Variants in MYO16 observed in about 807,000 individuals in gnomAD.
MYO16 encodes myosin XVI, also known as unconventional myosin-XVI.
MYO16 carries 94 observed loss-of-function variants against 205.3 expected under a neutral mutation model. The ratio of observed to expected loss-of-function variants is 0.46; its 90% CI spans 0.39 to 0.54. MYO16 has a LOEUF of 0.54. MYO16 is among the 20% of genes least tolerant of loss of function. The pLI, the probability that MYO16 is intolerant of heterozygous loss-of-function variation, is 0.00. For synonymous variants in MYO16, 988 were observed against 954.0 expected, an observed-to-expected ratio of 1.04 and a Z score of -0.66; for missense variants, 2,315 against 2,387.5, an observed-to-expected ratio of 0.97 and a Z score of 0.63.
At chr13:108,505,836 C>A in the MYO16 span, among the ~76,000 whole-genome samples, 3 of 151,838 alleles carry the variant, frequency 2.0e-5, 1 homozygote, top group South Asian at 4.1e-4. Context: ...TGAGTTGTTT[C>A]TTTTGCTGCA....
chr13:108,848,821 A>G (rs113964375), intron 10 of MYO16, among the ~76,000 whole-genome samples: 23 of 152,312 alleles, frequency 1.5e-4, no homozygotes, highest in African/African-American at 5.1e-4. Flanking sequence ...TCTTGACGAA[A>G]AAAAGTTAAG....
chr13:108,601,621 G>T (rs1566499247), intron 1 of MYO16, among the ~76,000 whole-genome samples: 1 of 152,002 alleles, frequency 6.6e-6, no homozygotes. Context: ...GTCCAGAGAA[G>T]TTATAAGATA....
intron 28 of MYO16, among the ~76,000 whole-genome samples, chr13:109,102,887 CTT>C (rs1889015721): frequency 6.6e-6 from 1 of 152,086 alleles, no homozygotes; most frequent in East Asian, 1.9e-4. Flanking sequence ...TTTCTCCACA[CTT>C]TTCACCTGCC....
At chr13:109,166,941 C>T (rs1261032642) in intron 33 of MYO16, 4 of 152,172 alleles carry the variant, frequency 2.6e-5, no homozygotes, top group African/African-American at 4.8e-5. Context: ...CCCCATGAGA[C>T]AGCAATCAAG....
chr13:108,734,270 A>G (rs1269753600), intron 4 of MYO16, among the ~76,000 whole-genome samples: 1 of 152,158 alleles, frequency 6.6e-6, no homozygotes, highest in Non-Finnish European at 1.5e-5. Flanking sequence ...CATACTAAAT[A>G]AAGACAAAAG....
intron 34 of MYO16, 53 bp from the exon 35 acceptor site, chr13:109,206,556 T>G (rs750118258): frequency 3.9e-5 from 52 of 1,339,366 alleles, no homozygotes; most frequent in Non-Finnish European, 5.2e-5. Flanking sequence ...CACTTCATAC[T>G]CATTCACAAT....
chr13:109,159,646 AG>A (rs1409453425), intron 32 of MYO16, among the ~76,000 whole-genome samples: 2 of 152,230 alleles, frequency 1.3e-5, no homozygotes, highest in African/African-American at 4.8e-5. Flanking sequence ...TGCAGTGAGA[AG>A]GACTGTGTAG....
At chr13:108,680,131 C>A (rs1882401475) in intron 2 of MYO16, among the ~76,000 whole-genome samples, 1 of 152,162 alleles carries the variant, frequency 6.6e-6, no homozygotes, top group Non-Finnish European at 1.5e-5. Context: ...CCAATCCCAG[C>A]AGATGTCACA....
At chr13:108,780,642 C>A (rs1353654060) in intron 4 of MYO16, among the ~76,000 whole-genome samples, 4 of 152,150 alleles carry the variant, frequency 2.6e-5, no homozygotes, top group Admixed American at 6.6e-5. Context: ...AATTATAATT[C>A]TTTGCCTTAA....
At chr13:108,923,451 G>C (rs1032128159) in intron 16 of MYO16, among the ~76,000 whole-genome samples, 3 of 152,248 alleles carry the variant, frequency 2.0e-5, no homozygotes, top group Non-Finnish European at 2.9e-5. Flanking sequence ...TTGGAGCAGT[G>C]GAGGGATCCG....
intron 4 of MYO16, among the ~76,000 whole-genome samples, chr13:108,762,330 A>G (rs1192900973): frequency 6.6e-6 from 1 of 152,164 alleles, no homozygotes. Flanking sequence ...TTTTTGATAT[A>G]ATGATTTATT....
In MYO16 at chr13:109,125,282, C is replaced by T; in HGVS notation, c.3706C>T (p.Leu1236Phe). 6.2e-7 allele frequency: 1 copy of T among 1,614,120 alleles called. No homozygotes were observed. The highest frequency in any genetic ancestry group is 2.2e-5 in the East Asian group (1 of 44,888). The change falls in exon 30 of 35, where the codon CTC (leucine) becomes TTC (phenylalanine). Residue 1236 changes from leucine (L) to phenylalanine (F), a missense_variant. Transcript: ENST00000457511. This position sits in a 1 kb window ranked among gnomAD's most constrained non-coding sequence, Gnocchi z 4.0. The stretch of plus-strand genomic sequence containing the variant: ...AGACATTGCCCGGGAAAATGACCGG[C>T]TCCGTAGTGAAATGAACGCTCCCTA... ...ASDIARENDRLRSEMNAPYHK... is the reference protein window; with the variant it reads ...ASDIARENDRFRSEMNAPYHK...
intron 23 of MYO16, among the ~76,000 whole-genome samples, chr13:109,024,160 A>G (rs1886281440): frequency 6.6e-6 from 1 of 151,032 alleles, no homozygotes; most frequent in South Asian, 2.1e-4. Flanking sequence ...GAGAGATTTC[A>G]CTATTACAAA....
chr13:109,203,436 T>C (rs1057293376), intron 34 of MYO16, among the ~76,000 whole-genome samples: 8 of 152,088 alleles, frequency 5.3e-5, no homozygotes, highest in East Asian at 3.9e-4. Context: ...TTTTTTTTTT[T>C]TCTCTCAGTA....
At chr13:108,578,482 T>C in the MYO16 span, among the ~76,000 whole-genome samples, 1 of 152,204 alleles carries the variant, frequency 6.6e-6, no homozygotes, top group Non-Finnish European at 1.5e-5. Context: ...AATGACCACT[T>C]AGAAAAGGCA....
chr13:109,030,284 G>A (rs144836005), intron 23 of MYO16, among the ~76,000 whole-genome samples: 98 of 152,132 alleles, frequency 6.4e-4, no homozygotes, highest in African/African-American at 2.3e-3. Flanking sequence ...AAGAAATTGA[G>A]ACTCTTTTCA....
At chr13:108,713,540 C>G (rs1883804573) in intron 3 of MYO16, among the ~76,000 whole-genome samples, 1 of 152,120 alleles carries the variant, frequency 6.6e-6, no homozygotes, top group South Asian at 2.1e-4. Context: ...CACCTGACTC[C>G]CAACCTGAGT....
intron 1 of MYO16, among the ~76,000 whole-genome samples, chr13:108,623,889 T>C (rs1331116464): frequency 6.6e-6 from 1 of 152,066 alleles, no homozygotes. Flanking sequence ...GATTGACTGG[T>C]ACATGAAAAA....
chr13:108,812,616 T>C (rs9587696), intron 7 of MYO16, among the ~76,000 whole-genome samples: 2,933 of 152,256 alleles, frequency 0.019, 88 homozygotes, highest in African/African-American at 0.067. Context: ...ATGAAAGGGA[T>C]TTCAACCAAA....
Sources: gnomAD v4.1 joint callset for allele counts (sites outside exome capture counted in the v4.1 genomes callset) on GRCh38, gnomAD v4.1.1 for gene constraint, Gnocchi (gnomAD v3.1) non-coding constraint, MANE v1.5 for transcripts, NCBI Gene and HGNC (gene_info 2026-07-23, HGNC 2026-07-21) for gene names.